The following RBPJ variants were observed in gnomAD, a reference collection of about 807,000 sequenced individuals.
RBPJ encodes the protein recombination signal binding protein for immunoglobulin kappa J region, also known as recombining binding protein suppressor of hairless.
Under a neutral mutation model 67.8 loss-of-function variants are expected in RBPJ, and 9 were observed. The observed-to-expected ratio is 0.13, with a 90% CI of 0.08 to 0.23. The LOEUF (loss-of-function observed/expected upper bound fraction) is 0.23. Ranked by LOEUF, RBPJ falls within the 10% of genes least tolerant of loss-of-function variation. The probability of loss-of-function intolerance (pLI) is 1.00; values close to 1 mark genes in which losing one functional copy is unlikely to be tolerated. For missense variants in RBPJ, 305 were observed against 595.6 expected, an observed-to-expected ratio of 0.51 and a Z score of 5.08; for synonymous variants, 198 against 203.3, an observed-to-expected ratio of 0.97 and a Z score of 0.22.
intron 3 of RBPJ, among the ~76,000 whole-genome samples, chr4:26,407,883 C>CTTTTTTTTTTTTTT (rs61575988): frequency 1.9e-4 from 12 of 63,630 alleles, no homozygotes; most frequent in African/African-American, 7.3e-4. Flanking sequence ...AGCTTTCTTT[C>CTTTTTTTTTTTTTT]TTTTTTTTTT....
At position 26,431,071 on chromosome 4, in the gene RBPJ, A is replaced by G; in HGVS notation, c.*64A>G. The stretch of plus-strand genomic sequence containing the variant: ...TGGCAAAAAGTTAACAAAAAAGGAG[A>G]AAAAATGAACAATCGTTTGTGGTTT... On this transcript the variant is annotated 3_prime_UTR_variant, in exon 11 of 11. Coordinates refer to ENST00000355476, the MANE Select transcript of RBPJ (RefSeq NM_015874.6). The G allele has an allele frequency of 6.9e-7, 1 of 1,439,470 alleles. No individual in the cohort carries two copies. Among genetic ancestry groups the G allele is most frequent in the Non-Finnish European group, 9.6e-7 (1 of 1,042,090 alleles). 89.2% of individuals were successfully genotyped at this position (1,439,470 alleles called of 1,614,324 possible). A position where few individuals can be genotyped will look rare whatever the true frequency, so the allele number is the denominator to read the frequency against.
intron 1 of RBPJ, among the ~76,000 whole-genome samples, chr4:26,293,033 A>G (rs1721723548): frequency 6.6e-6 from 1 of 150,522 alleles, no homozygotes; most frequent in African/African-American, 2.4e-5. Flanking sequence ...TATACTATGG[A>G]CACTTGGATA....
At chr4:26,359,513 G>T (rs1455413090) in intron 1 of RBPJ, among the ~76,000 whole-genome samples, 1 of 151,694 alleles carries the variant, frequency 6.6e-6, no homozygotes, top group Non-Finnish European at 1.5e-5. Context: ...GGGCTCGGGT[G>T]GGGGTTCCCT....
At chr4:26,217,551 C>T (rs1014143905) in intron 1 of RBPJ, among the ~76,000 whole-genome samples, 5 of 152,114 alleles carry the variant, frequency 3.3e-5, no homozygotes, top group African/African-American at 9.7e-5. Flanking sequence ...TCTGAATGCC[C>T]AGCAACTTGG....
intron 1 of RBPJ, among the ~76,000 whole-genome samples, chr4:26,244,887 G>A (rs1359674701): frequency 6.6e-6 from 1 of 152,036 alleles, no homozygotes; most frequent in Non-Finnish European, 1.5e-5. Flanking sequence ...GCCTGCCTCA[G>A]CCTCGCAAAG....
chr4:26,398,190 G>A (rs187712769), intron 2 of RBPJ, among the ~76,000 whole-genome samples: 1 of 152,276 alleles, frequency 6.6e-6, no homozygotes, highest in East Asian at 1.9e-4. Context: ...TAAAGTGACA[G>A]TAGTCCAATT....
intron 1 of RBPJ, among the ~76,000 whole-genome samples, chr4:26,353,572 A>T (rs1371065930): frequency 6.6e-6 from 1 of 151,992 alleles, no homozygotes; most frequent in East Asian, 1.9e-4. Flanking sequence ...TATACTAATA[A>T]ATCTTATTTG....
At chr4:26,318,996 C>CAAAAAAAAAAAA (rs201084739), upstream of RBPJ, among the ~76,000 whole-genome samples, 2 of 83,866 alleles carry the variant, frequency 2.4e-5, no homozygotes, top group Admixed American at 1.7e-4. Flanking sequence ...GACTCCGTCT[C>CAAAAAAAAAAAA]AAAAAAAAAA....
chr4:26,379,882 C>T (rs887182454), intron 1 of RBPJ, among the ~76,000 whole-genome samples: 5 of 152,118 alleles, frequency 3.3e-5, no homozygotes, highest in African/African-American at 1.2e-4. Context: ...AAGAAAGAAA[C>T]ATCTTATAGG....
intron 1 of RBPJ, among the ~76,000 whole-genome samples, chr4:26,225,276 T>C (rs1719041321): frequency 6.6e-6 from 1 of 152,210 alleles, no homozygotes; most frequent in Admixed American, 6.5e-5. Context: ...TAGGTTAACC[T>C]GTTTGTTAAA....
intron 1 of RBPJ, among the ~76,000 whole-genome samples, chr4:26,344,631 A>G (rs1288997656): frequency 6.6e-6 from 1 of 152,234 alleles, no homozygotes; most frequent in African/African-American, 2.4e-5. Flanking sequence ...TTTAATCAAA[A>G]TATACCTAGA....
At chr4:26,180,634 T>C (rs1315252765) in intron 1 of RBPJ, among the ~76,000 whole-genome samples, 5 of 152,212 alleles carry the variant, frequency 3.3e-5, no homozygotes, top group Non-Finnish European at 7.3e-5. Context: ...CCTTGTGACC[T>C]AATCACCTCC....
intron 1 of RBPJ, among the ~76,000 whole-genome samples, chr4:26,211,818 T>C (rs1397505521): frequency 1.3e-5 from 2 of 152,114 alleles, no homozygotes; most frequent in African/African-American, 2.4e-5. Context: ...TATTTAGAAA[T>C]AGGGTCATTA....
At chr4:26,138,263 G>C in the RBPJ span, among the ~76,000 whole-genome samples, 2 of 152,018 alleles carry the variant, frequency 1.3e-5, no homozygotes, top group Non-Finnish European at 2.9e-5. Context: ...TTCCACTGTT[G>C]AAGCCAGCCT....
chr4:26,359,617 G>A (rs1351590662), intron 1 of RBPJ: 1 of 152,022 alleles, frequency 6.6e-6, no homozygotes, highest in African/African-American at 2.4e-5. Context: ...CCTCGGGGTC[G>A]GCACAGGCAT....
At chr4:26,265,303 C>T (rs537691045) in intron 1 of RBPJ, among the ~76,000 whole-genome samples, 11 of 151,442 alleles carry the variant, frequency 7.3e-5, no homozygotes, top group Non-Finnish European at 1.5e-4. Flanking sequence ...CTGAGGCCGG[C>T]CGATCATTTG....
At chr4:26,363,995 A>G (rs1728347684) in intron 1 of RBPJ, among the ~76,000 whole-genome samples, 2 of 152,218 alleles carry the variant, frequency 1.3e-5, no homozygotes, top group African/African-American at 4.8e-5. Flanking sequence ...TGTGTTTGGT[A>G]TTAAATGTTC....
chr4:26,180,182 G>A (rs1343179508), intron 1 of RBPJ, among the ~76,000 whole-genome samples: 1 of 152,098 alleles, frequency 6.6e-6, no homozygotes, highest in East Asian at 1.9e-4. Context: ...GAGGGTGGAG[G>A]GCGGGAGAAG....
At chr4:26,320,594 T>G, upstream of RBPJ, 1 of 766,600 alleles carries the variant, frequency 1.3e-6, no homozygotes, top group African/African-American at 1.8e-5. Context: ...TCTAGGCCTG[T>G]GAAACGCAGC....
Sources: gnomAD v4.1 joint callset for allele counts (sites outside exome capture counted in the v4.1 genomes callset) on GRCh38, gnomAD v4.1.1 for gene constraint, MANE v1.5 for transcripts, NCBI Gene and HGNC (gene_info 2026-07-23, HGNC 2026-07-21) for gene names.